MMP16: variants seen among roughly 807,000 people sequenced by gnomAD.
MMP16 encodes matrix metallopeptidase 16.
MMP16 carries 12 observed loss-of-function variants against 67.8 expected under a neutral mutation model. The observed-to-expected ratio is 0.18, with a 90% CI of 0.11 to 0.29. The LOEUF (loss-of-function observed/expected upper bound fraction) is 0.29, where lower values mean the gene tolerates loss of function less well. MMP16 is among the 10% of genes least tolerant of loss of function. The probability of loss-of-function intolerance (pLI) is 1.00; values close to 1 mark genes in which losing one functional copy is unlikely to be tolerated. For synonymous variants in MMP16, 249 were observed against 255.9 expected, an observed-to-expected ratio of 0.97 and a Z score of 0.26; for missense variants, 475 against 765.7, an observed-to-expected ratio of 0.62 and a Z score of 4.48.
chr8:88,318,004 C>A (rs1459711961), intron 1 of MMP16, among the ~76,000 whole-genome samples: 1 of 152,080 alleles, frequency 6.6e-6, no homozygotes, highest in Non-Finnish European at 1.5e-5. Flanking sequence ...AAATATATTT[C>A]CTTTTAGCTT....
chr8:88,088,043 GATATCTATT>G (rs1426156648), intron 6 of MMP16, among the ~76,000 whole-genome samples: 1 of 96,672 alleles, frequency 1.0e-5, no homozygotes, highest in Non-Finnish European at 1.9e-5. Flanking sequence ...TAGATATATA[GATATCTATT>G]ATATCTATAT....
At chr8:88,134,043 A>T (rs1286684127) in intron 4 of MMP16, among the ~76,000 whole-genome samples, 1 of 151,850 alleles carries the variant, frequency 6.6e-6, no homozygotes, top group Non-Finnish European at 1.5e-5. Context: ...AAAAGCAGAC[A>T]TCTATTTAAA....
intron 1 of MMP16, among the ~76,000 whole-genome samples, chr8:88,264,219 G>C (rs956852036): frequency 4.6e-5 from 7 of 152,088 alleles, no homozygotes; most frequent in African/African-American, 1.4e-4. Flanking sequence ...CATTTCTAGA[G>C]ATGGAATCTC....
chr8:88,067,955 C>G (rs1255978372), intron 7 of MMP16, among the ~76,000 whole-genome samples: 3 of 152,116 alleles, frequency 2.0e-5, no homozygotes, highest in Non-Finnish European at 4.4e-5. Flanking sequence ...CTGGATTATA[C>G]AGTAGCTGTG....
Position 88,056,138 on chromosome 8 carries a change from TG to T in MMP16, c.1362del (p.Phe454LeufsTer13). ...GAAGTGTATACTGACCTGTCTCCCT[TG>T]AAGAAATAGGTTTTCCCGACGTCCT... ...WWEDVGKTYF[F>X]KGDRYWRYSE... On this transcript the variant is annotated frameshift_variant, in exon 8 of 10. Coordinates refer to ENST00000286614, the MANE Select transcript of MMP16 (RefSeq NM_005941.5). LOFTEE classifies it high-confidence loss of function. The T allele has an allele frequency of 6.4e-7, 1 of 1,565,414 alleles. No homozygotes were observed. The highest frequency in any genetic ancestry group is 8.7e-7 in the Non-Finnish European group (1 of 1,152,490).
chr8:88,271,526 C>T (rs1194810661), intron 1 of MMP16, among the ~76,000 whole-genome samples: 1 of 152,176 alleles, frequency 6.6e-6, no homozygotes, highest in Non-Finnish European at 1.5e-5. Context: ...TGGAGTCTCA[C>T]TCTGTCGCCC....
chr8:88,157,709 A>C (rs962170642), intron 4 of MMP16, among the ~76,000 whole-genome samples: 2 of 152,076 alleles, frequency 1.3e-5, no homozygotes, highest in African/African-American at 4.8e-5. Flanking sequence ...TCTAGGGTAC[A>C]TGTGCACAAT....
intron 1 of MMP16, among the ~76,000 whole-genome samples, chr8:88,218,990 G>T (rs1411777764): frequency 6.6e-6 from 1 of 151,848 alleles, no homozygotes; most frequent in African/African-American, 2.4e-5. Flanking sequence ...AGGATCTCAG[G>T]GATTAGAGCA....
intron 1 of MMP16, among the ~76,000 whole-genome samples, chr8:88,206,356 C>A (rs962399342): frequency 2.6e-5 from 4 of 152,114 alleles, no homozygotes; most frequent in Non-Finnish European, 4.4e-5. Context: ...AATAAATTCC[C>A]AGCTGGGGCC....
chr8:88,159,683 TGA>T (rs1018960963), intron 4 of MMP16, among the ~76,000 whole-genome samples: 80 of 152,256 alleles, frequency 5.3e-4, no homozygotes, highest in African/African-American at 1.8e-3. Flanking sequence ...ATAGGAGTGG[TGA>T]GAGAGGGCAT....
At position 88,088,214 on chromosome 8, in the gene MMP16, G is replaced by A. The variant is rs1173725480; in HGVS notation, c.1084-13471C>T. Among the ~76,000 whole-genome samples the A allele has an allele frequency of 3.3e-5, 5 of 150,584 alleles. No homozygotes were observed. The East Asian group carries it at 5.9e-4, about 18-fold the overall frequency. ...CACAAAATGGTGAGCAAATGGTTGT[G>A]TTAAGCCCCTATAGATATATATAGA... On this transcript the variant is annotated intron_variant, in intron 6 of 9. Coordinates refer to ENST00000286614, the MANE Select transcript of MMP16 (RefSeq NM_005941.5).
intron 4 of MMP16, among the ~76,000 whole-genome samples, chr8:88,154,764 G>C (rs933986339): frequency 5.1e-4 from 75 of 148,326 alleles, no homozygotes; most frequent in African/African-American, 1.7e-3. Context: ...TATACCTAAG[G>C]CTAGATGACG....
chr8:88,119,972 C>T (rs538534583), intron 4 of MMP16, among the ~76,000 whole-genome samples: 3 of 151,832 alleles, frequency 2.0e-5, no homozygotes, highest in African/African-American at 7.2e-5. Flanking sequence ...TTTTTTGAAC[C>T]CAAAAGCCAG....
At chr8:88,127,008 T>C (rs959532515) in intron 4 of MMP16, among the ~76,000 whole-genome samples, 3 of 151,830 alleles carry the variant, frequency 2.0e-5, no homozygotes, top group African/African-American at 7.2e-5. Context: ...AGATACTAAA[T>C]GACATGAAAA....
chr8:88,226,439 T>C (rs1169096379), intron 1 of MMP16, among the ~76,000 whole-genome samples: 1 of 152,086 alleles, frequency 6.6e-6, no homozygotes, highest in Non-Finnish European at 1.5e-5. Flanking sequence ...AATTTACTAA[T>C]TCCCAACAAA....
chr8:88,254,492 C>T (rs1318186847), intron 1 of MMP16, among the ~76,000 whole-genome samples: 1 of 151,682 alleles, frequency 6.6e-6, no homozygotes, highest in African/African-American at 2.4e-5. Flanking sequence ...AAGAAGCAAT[C>T]CTCCTGCCTC....
intron 6 of MMP16, among the ~76,000 whole-genome samples, chr8:88,114,448 A>G (rs1809395063): frequency 6.6e-6 from 1 of 151,942 alleles, no homozygotes; most frequent in Non-Finnish European, 1.5e-5. Flanking sequence ...CTTACGTATT[A>G]AAAGTATTAA....
At chr8:88,282,645 T>C (rs1291798199) in intron 1 of MMP16, among the ~76,000 whole-genome samples, 1 of 152,220 alleles carries the variant, frequency 6.6e-6, no homozygotes, top group Non-Finnish European at 1.5e-5. Flanking sequence ...AATGTTTTTA[T>C]TGAATCACTA....
intron 7 of MMP16, among the ~76,000 whole-genome samples, chr8:88,072,475 T>G (rs572717615): frequency 4.0e-5 from 6 of 151,746 alleles, no homozygotes; most frequent in Non-Finnish European, 5.9e-5. Flanking sequence ...GAGGAAAGAG[T>G]TGCCACAGCA....
Sources: gnomAD v4.1 joint callset for allele counts (sites outside exome capture counted in the v4.1 genomes callset) on GRCh38, gnomAD v4.1.1 for gene constraint, MANE v1.5 for transcripts, NCBI Gene and HGNC (gene_info 2026-07-23, HGNC 2026-07-21) for gene names.